The following ITGB8 variants were observed in gnomAD, a reference collection of about 807,000 sequenced individuals.
The protein encoded by ITGB8 is integrin beta-8.
Under a neutral mutation model 89.5 loss-of-function variants are expected in ITGB8, and 30 were observed. The ratio of observed to expected loss-of-function variants is 0.34; its 90% CI spans 0.25 to 0.45. ITGB8 has a LOEUF of 0.45. Ranked by LOEUF, ITGB8 falls within the 20% of genes least tolerant of loss-of-function variation. The probability of loss-of-function intolerance (pLI) is 1.00; values close to 1 mark genes in which losing one functional copy is unlikely to be tolerated. For synonymous variants in ITGB8, 335 were observed against 320.4 expected, an observed-to-expected ratio of 1.05 and a Z score of -0.49; for missense variants, 836 against 933.3, an observed-to-expected ratio of 0.90 and a Z score of 1.36.
chr7:20,399,517 T>C (rs1319591455), intron 9 of ITGB8, among the ~76,000 whole-genome samples: 1 of 148,426 alleles, frequency 6.7e-6, no homozygotes, highest in Non-Finnish European at 1.5e-5. Flanking sequence ...TAGAAGGAGG[T>C]AGGGAAATTT....
intron 1 of ITGB8, among the ~76,000 whole-genome samples, chr7:20,338,531 G>A (rs567754953): frequency 6.6e-6 from 1 of 152,242 alleles, no homozygotes; most frequent in East Asian, 1.9e-4. Context: ...TACTTGACAG[G>A]CTGAGGCACA....
chr7:20,339,803 G>A (rs1194571589), intron 1 of ITGB8, among the ~76,000 whole-genome samples: 4 of 152,156 alleles, frequency 2.6e-5, no homozygotes, highest in Non-Finnish European at 1.5e-5. Context: ...CAAGGTGGGT[G>A]GATCACCTGA....
At chr7:20,364,079 T>C (rs960092009) in intron 2 of ITGB8, among the ~76,000 whole-genome samples, 2 of 152,220 alleles carry the variant, frequency 1.3e-5, no homozygotes, top group Non-Finnish European at 2.9e-5. Context: ...TGTATCCTGT[T>C]GTTCAAAATA....
At chr7:20,336,071 T>C (rs561739276) in intron 1 of ITGB8, among the ~76,000 whole-genome samples, 8 of 138,786 alleles carry the variant, frequency 5.8e-5, no homozygotes, top group African/African-American at 2.2e-4. Context: ...AGTGGTGCGA[T>C]CTCGGCCCAC....
intron 3 of ITGB8, among the ~76,000 whole-genome samples, chr7:20,368,066 C>A (rs1449655813): frequency 6.6e-6 from 1 of 152,136 alleles, no homozygotes; most frequent in Non-Finnish European, 1.5e-5. Context: ...CACTCCCTTC[C>A]CCATTCCAGA....
Position 20,398,991 on chromosome 7 carries a change from T to A in ITGB8, c.1278T>A (p.Asp426Glu). The change falls in exon 9 of 14, where the codon GAT becomes GAA. Residue 426 changes from aspartate (D) to glutamate (E), a missense_variant. Around this residue, in one of 5 missense-constraint regions of ITGB8, gnomAD observed 422 missense variants for 416.9 expected, o/e 1.01. Transcript: ENST00000222573. Reference sequence around the variant, plus strand: ...GATGCAGAAACGTGACGAGCAATGATGAAGTATGTGGGTGTGCATTTTTCC... The same window carrying A: ...GATGCAGAAACGTGACGAGCAATGAAGAAGTATGTGGGTGTGCATTTTTCC... ...MEGCRNVTSN[D>E]EVLFNVTVTM... 6.2e-7 allele frequency: 1 copy of A among 1,613,270 alleles called. No individual in the cohort carries two copies. Among genetic ancestry groups the A allele is most frequent in the Non-Finnish European group, 8.5e-7 (1 of 1,179,632 alleles).
At chr7:20,352,944 A>G (rs1313500581) in intron 1 of ITGB8, 2 of 152,248 alleles carry the variant, frequency 1.3e-5, no homozygotes, top group Non-Finnish European at 2.9e-5. Context: ...TATGATGGGC[A>G]TAAATGAATC....
chr7:20,387,498 C>T (rs1786674040), intron 6 of ITGB8, among the ~76,000 whole-genome samples: 2 of 152,184 alleles, frequency 1.3e-5, no homozygotes, highest in Non-Finnish European at 2.9e-5. Context: ...AGCTAGTAGT[C>T]GCAGAGCCAG....
intron 1 of ITGB8, among the ~76,000 whole-genome samples, chr7:20,342,681 T>G (rs1784801262): frequency 6.6e-6 from 1 of 152,094 alleles, no homozygotes; most frequent in African/African-American, 2.4e-5. Flanking sequence ...TTCATTCATT[T>G]TTTTTTTTTT....
rs1052491195 is a variant in ITGB8 at position 20,412,644 on chromosome 7, C to T, written c.*2647C>T. On this transcript the variant is annotated 3_prime_UTR_variant, in exon 14 of 14. Coordinates refer to ENST00000222573, the MANE Select transcript of ITGB8 (RefSeq NM_002214.3). ...TCCTTGTAGGCAACTCAGTGTTAGA[C>T]GATGATTGTGGTTATGCTTGCAAAG... The T allele has an allele frequency of 5.2e-5, 8 of 152,440 alleles. No homozygotes were observed. Among genetic ancestry groups the T allele is most frequent in the African/African-American group, 1.7e-4 (7 of 41,370 alleles). The allele number at this position is 152,440 out of a possible 1,614,324, so 9.4% of individuals were successfully genotyped here. A position where few individuals can be genotyped will look rare whatever the true frequency, so the allele number is the denominator to read the frequency against.
chr7:20,390,716 G>T (rs1450757210), intron 6 of ITGB8, among the ~76,000 whole-genome samples: 1 of 152,020 alleles, frequency 6.6e-6, no homozygotes, highest in East Asian at 1.9e-4. Context: ...GCAAGAAAAT[G>T]CACTAAATAG....
chr7:20,389,017 T>C (rs1382524390), intron 6 of ITGB8, among the ~76,000 whole-genome samples: 1 of 152,232 alleles, frequency 6.6e-6, no homozygotes, highest in Non-Finnish European at 1.5e-5. Flanking sequence ...ATGTGCCACA[T>C]TTTCTTTATC....
intron 1 of ITGB8, among the ~76,000 whole-genome samples, chr7:20,341,736 G>A (rs906206961): frequency 6.6e-6 from 1 of 152,080 alleles, no homozygotes; most frequent in East Asian, 1.9e-4. Context: ...GCTACTTGGG[G>A]GTCAGCATAG....
At chr7:20,362,626 C>G (rs1267843602) in intron 1 of ITGB8, among the ~76,000 whole-genome samples, 1 of 152,190 alleles carries the variant, frequency 6.6e-6, no homozygotes, top group Non-Finnish European at 1.5e-5. Context: ...ATATATGTCT[C>G]TTCTCTTCTT....
Position 20,355,720 on chromosome 7 carries a change from T to G in ITGB8, c.128-7917T>G, listed in dbSNP as rs143744590. 1.2e-4 allele frequency among the ~76,000 whole-genome samples: 19 copies of G among 152,320 alleles called. No homozygotes were observed. The East Asian group carries it at 2.7e-3, about 22-fold the overall frequency. On this transcript the variant is annotated intron_variant, in intron 1 of 13. Transcript: ENST00000222573. The stretch of plus-strand genomic sequence containing the variant: ...TGTTTGCTACAAGTTTGAAACAAAT[T>G]AAACACTGTGCTGTAGGCAAAGGAG...
intron 12 of ITGB8, among the ~76,000 whole-genome samples, chr7:20,408,974 T>G (rs2127988583): frequency 6.6e-6 from 1 of 152,316 alleles, no homozygotes; most frequent in East Asian, 1.9e-4. Context: ...TTAATGAAAA[T>G]GAAGAATGAT....
At chr7:20,352,146 T>G (rs1785135174) in intron 1 of ITGB8, among the ~76,000 whole-genome samples, 1 of 152,216 alleles carries the variant, frequency 6.6e-6, no homozygotes, top group Non-Finnish European at 1.5e-5. Flanking sequence ...AAATGCAGCT[T>G]TAACCAGAAT....
At chr7:20,405,996 C>T in intron 11 of ITGB8, 66 bp from the exon 12 acceptor site, 1 of 940,796 alleles carries the variant, frequency 1.1e-6, no homozygotes, top group Non-Finnish European at 1.7e-6. Flanking sequence ...TTTTTTCTTG[C>T]AGAAAATATT....
chr7:20,363,838 C>A, intron 2 of ITGB8, 116 bp downstream of exon 2: 1 of 484,628 alleles, frequency 2.1e-6, no homozygotes, highest in Non-Finnish European at 3.6e-6. Flanking sequence ...TACTGCTGAA[C>A]ATAAGGAAAA....
Sources: gnomAD v4.1 joint callset for allele counts (sites outside exome capture counted in the v4.1 genomes callset) on GRCh38, gnomAD v4.1.1 for gene constraint, gnomAD v4.1.1 regional missense constraint, MANE v1.5 for transcripts, NCBI Gene and HGNC (gene_info 2026-07-23, HGNC 2026-07-21) for gene names.